Variants in CADM2 observed in about 807,000 individuals in gnomAD.
The protein encoded by CADM2 is cell adhesion molecule 2, also known as immunoglobulin superfamily member 4D.
A neutral mutation model predicts 49.8 loss-of-function variants in CADM2; 12 were observed. The observed-to-expected ratio is 0.24, with a 90% CI of 0.15 to 0.39. The LOEUF (loss-of-function observed/expected upper bound fraction) is 0.39, where lower values mean the gene tolerates loss of function less well. Ranked by LOEUF, CADM2 falls within the 10% of genes least tolerant of loss-of-function variation. CADM2 has a pLI of 1.00. For synonymous variants in CADM2, 214 were observed against 175.4 expected, an observed-to-expected ratio of 1.22 and a Z score of -1.74; for missense variants, 378 against 492.3, an observed-to-expected ratio of 0.77 and a Z score of 2.20.
intron 1 of CADM2, among the ~76,000 whole-genome samples, chr3:85,388,234 C>G (rs896723570): frequency 1.3e-5 from 2 of 152,072 alleles, no homozygotes; most frequent in African/African-American, 4.8e-5. Flanking sequence ...CCAAGTTGCC[C>G]AGAATGGTCT....
At chr3:85,651,093 T>G (rs1338032349) in intron 1 of CADM2, among the ~76,000 whole-genome samples, 1 of 151,848 alleles carries the variant, frequency 6.6e-6, no homozygotes, top group Non-Finnish European at 1.5e-5. Context: ...TTTAATACAT[T>G]TCCTCAGGGC....
chr3:85,707,854 C>T (rs2066999059), intron 1 of CADM2, among the ~76,000 whole-genome samples: 1 of 152,166 alleles, frequency 6.6e-6, no homozygotes, highest in Non-Finnish European at 1.5e-5. Flanking sequence ...TCCACATTTT[C>T]CTCTTACTTG....
chr3:85,353,694 A>G (rs915524041), intron 1 of CADM2, among the ~76,000 whole-genome samples: 47 of 151,948 alleles, frequency 3.1e-4, no homozygotes, highest in African/African-American at 1.1e-3. Context: ...GCATGTCAAT[A>G]ATAAAAGTAT....
Position 85,794,132 on chromosome 3 carries a change from A to G in CADM2, c.89-7915A>G, listed in dbSNP as rs139100631. Reference sequence around the variant, plus strand: ...TATAATCCTTATGTATTTTACTTATAATTTTAAAAAGTCTTAAGATGTGAT... The same window carrying G: ...TATAATCCTTATGTATTTTACTTATGATTTTAAAAAGTCTTAAGATGTGAT... On this transcript the variant is annotated intron_variant, in intron 2 of 9. Transcript: ENST00000383699. Among the ~76,000 whole-genome samples the G allele has an allele frequency of 6.6e-5, 10 of 152,220 alleles. No homozygotes were observed. In the East Asian group the frequency reaches 1.9e-3, roughly 29 times the overall value.
intron 1 of CADM2, among the ~76,000 whole-genome samples, chr3:85,641,816 A>G (rs1464899642): frequency 6.6e-6 from 1 of 151,694 alleles, no homozygotes; most frequent in Non-Finnish European, 1.5e-5. Flanking sequence ...CTGTAGTCCC[A>G]GCTACTCGGG....
chr3:85,187,811 G>T (rs1247610093), intron 1 of CADM2, among the ~76,000 whole-genome samples: 2 of 151,796 alleles, frequency 1.3e-5, no homozygotes, highest in Admixed American at 6.6e-5. Flanking sequence ...AACATATAAG[G>T]TACTTACTAT....
Position 85,574,122 on chromosome 3 carries a change from AT to A in CADM2, c.62-152397del, listed in dbSNP as rs1439911638. On this transcript the variant is annotated intron_variant, in intron 1 of 9. Transcript: ENST00000383699. Reference sequence around the variant, plus strand: ...GACTTTGTTAGGTTGAAGGGTTAACATTTAAGCAAACACCATATTTCTAGTC... The same window carrying A: ...GACTTTGTTAGGTTGAAGGGTTAACATTAAGCAAACACCATATTTCTAGTC... 2.0e-5 allele frequency among the ~76,000 whole-genome samples: 3 copies of A among 152,310 alleles called. No homozygotes were observed. In the East Asian group the frequency reaches 5.8e-4, roughly 29 times the overall value.
At chr3:85,437,446 A>G (rs2036984022) in intron 1 of CADM2, among the ~76,000 whole-genome samples, 1 of 152,108 alleles carries the variant, frequency 6.6e-6, no homozygotes, top group Non-Finnish European at 1.5e-5. Context: ...CAAAGTGGCT[A>G]TGCCACTTTG....
chr3:85,730,293 A>C (rs754021515), intron 2 of CADM2, among the ~76,000 whole-genome samples: 7 of 151,754 alleles, frequency 4.6e-5, no homozygotes, highest in Non-Finnish European at 1.0e-4. Context: ...AATACAAAAA[A>C]TAGGCAGGTG....
chr3:85,656,216 T>C (rs969719278), intron 1 of CADM2, among the ~76,000 whole-genome samples: 10 of 152,080 alleles, frequency 6.6e-5, no homozygotes, highest in African/African-American at 2.4e-4. Flanking sequence ...ATGAACATTT[T>C]TGATAGTTTA....
intron 1 of CADM2, among the ~76,000 whole-genome samples, chr3:85,270,280 GAATC>G (rs943185720): frequency 1.9e-4 from 28 of 151,312 alleles, no homozygotes; most frequent in Admixed American, 1.4e-3. Context: ...GATAAATAAA[GAATC>G]AAGGAAAATC....
chr3:85,337,110 C>T (rs111880125), intron 1 of CADM2, among the ~76,000 whole-genome samples: 3 of 147,194 alleles, frequency 2.0e-5, no homozygotes, highest in African/African-American at 7.5e-5. Flanking sequence ...GGCCTTCCAT[C>T]TGCCATCTCA....
chr3:85,524,702 G>T (rs1644570383), intron 1 of CADM2, among the ~76,000 whole-genome samples: 1 of 151,962 alleles, frequency 6.6e-6, no homozygotes, highest in African/African-American at 2.4e-5. Flanking sequence ...AATTTTTTCT[G>T]TCAATTATTG....
chr3:85,194,074 T>C (rs1444788564), intron 1 of CADM2, among the ~76,000 whole-genome samples: 2 of 152,096 alleles, frequency 1.3e-5, no homozygotes, highest in Admixed American at 1.3e-4. Context: ...CCTAAAGAAG[T>C]AGTTTATGAA....
At chr3:85,453,771 T>A (rs2037861617) in intron 1 of CADM2, among the ~76,000 whole-genome samples, 1 of 152,186 alleles carries the variant, frequency 6.6e-6, no homozygotes, top group Non-Finnish European at 1.5e-5. Context: ...TTAAACTATG[T>A]TAAAGAGATT....
chr3:85,768,266 G>C (rs1174231254), intron 2 of CADM2, among the ~76,000 whole-genome samples: 1 of 151,846 alleles, frequency 6.6e-6, no homozygotes, highest in Non-Finnish European at 1.5e-5. Flanking sequence ...GGGCAACACA[G>C]TGAAACCCCA....
chr3:85,160,267 T>TTC (rs1266694829), intron 1 of CADM2, among the ~76,000 whole-genome samples: 1 of 149,646 alleles, frequency 6.7e-6, no homozygotes, highest in East Asian at 1.9e-4. Context: ...AAATTATTCA[T>TTC]TTTTTTTCTT....
intron 1 of CADM2, among the ~76,000 whole-genome samples, chr3:85,386,504 TCTTGGTTCATC>T (rs2034241190): frequency 6.6e-6 from 1 of 152,032 alleles, no homozygotes; most frequent in African/African-American, 2.4e-5. Flanking sequence ...AGACCCAAAT[TCTTGGTTCATC>T]CTTGTCCATG....
At chr3:85,205,702 T>C (rs1004279758) in intron 1 of CADM2, among the ~76,000 whole-genome samples, 1 of 152,096 alleles carries the variant, frequency 6.6e-6, no homozygotes, top group Non-Finnish European at 1.5e-5. Flanking sequence ...TAAAAACTTT[T>C]CTAGTTTCCT....
Sources: allele counts gnomAD v4.1 joint callset (sites outside exome capture counted in the v4.1 genomes callset), GRCh38; gene constraint gnomAD v4.1.1; transcripts MANE v1.5; gene names NCBI Gene and HGNC (gene_info 2026-07-23, HGNC 2026-07-21).